Variants in DCAF8L2 observed in about 807,000 individuals in gnomAD.
The protein encoded by DCAF8L2 is DDB1 and CUL4 associated factor 8 like 2, also known as DDB1- and CUL4-associated factor 8-like protein 2.
For synonymous variants in DCAF8L2, 200 were observed against 190.9 expected (o/e 1.05, Z -0.39); for missense variants, 430 against 490.7 (o/e 0.88, Z 1.17).
intron 2 of DCAF8L2, among the ~76,000 whole-genome samples, chrX:27,652,387 G>A (rs1369672409): frequency 9.0e-6 from 1 of 111,406 alleles, no homozygotes; most frequent in African/African-American, 3.3e-5. Context: ...ACTAAACACC[G>A]AACAGCGTCC....
intron 1 of DCAF8L2, among the ~76,000 whole-genome samples, chrX:27,627,985 G>A (rs1382180635): frequency 9.2e-6 from 1 of 109,067 alleles, no homozygotes; most frequent in Non-Finnish European, 1.9e-5. Flanking sequence ...CAATTTTGAA[G>A]TATAAAATAC....
At chrX:27,473,979 A>G in the DCAF8L2 span, among the ~76,000 whole-genome samples, 2 of 111,169 alleles carry the variant, frequency 1.8e-5, no homozygotes, top group Admixed American at 1.9e-4. Context: ...AAAAATGATA[A>G]GACATATCCA....
chrX:27,491,326 G>T, the DCAF8L2 span, among the ~76,000 whole-genome samples: 4 of 111,725 alleles, frequency 3.6e-5, no homozygotes, highest in African/African-American at 1.3e-4. Flanking sequence ...TCTGCATGTG[G>T]ATATTCAAGT....
chrX:27,684,788 A>T (rs747524842), intron 3 of DCAF8L2, among the ~76,000 whole-genome samples: 2 of 111,739 alleles, frequency 1.8e-5, no homozygotes, highest in South Asian at 7.5e-4. Context: ...ATCTACATAG[A>T]TATGAGCTCT....
At chrX:27,561,649 T>C in the DCAF8L2 span, among the ~76,000 whole-genome samples, 1 of 111,246 alleles carries the variant, frequency 9.0e-6, no homozygotes, top group African/African-American at 3.3e-5. Context: ...ATATATCTGT[T>C]CTGGATATAA....
At chrX:27,589,088 G>A (rs983767618), upstream of DCAF8L2, among the ~76,000 whole-genome samples, 1 of 84,746 alleles carries the variant, frequency 1.2e-5, no homozygotes, top group African/African-American at 4.4e-5. Context: ...ATCAGGACAA[G>A]TTCTTAGTGT....
chrX:27,585,822 C>A (rs920198626), upstream of DCAF8L2, among the ~76,000 whole-genome samples: 7 of 111,420 alleles, frequency 6.3e-5, no homozygotes, highest in African/African-American at 1.6e-4. Context: ...TCTTACCTTC[C>A]CACTTCCCAT....
the DCAF8L2 span, among the ~76,000 whole-genome samples, chrX:27,555,845 C>T: frequency 9.0e-6 from 1 of 111,153 alleles, no homozygotes; most frequent in African/African-American, 3.3e-5. Context: ...CTTCACAGCT[C>T]TAGCCCTGCC....
intron 3 of DCAF8L2, among the ~76,000 whole-genome samples, chrX:27,705,227 C>A (rs146873822): frequency 1.8e-5 from 2 of 110,549 alleles, no homozygotes; most frequent in Non-Finnish European, 3.8e-5. Context: ...AGGTTGATAC[C>A]ATGTCTTTGA....
the DCAF8L2 span, among the ~76,000 whole-genome samples, chrX:27,584,564 T>A: frequency 9.0e-6 from 1 of 111,036 alleles, no homozygotes; most frequent in Admixed American, 9.8e-5. Flanking sequence ...CTCTTATTAC[T>A]AAAGTTTTGA....
At chrX:27,600,042 T>C (rs1039299559) in intron 1 of DCAF8L2, among the ~76,000 whole-genome samples, 2 of 111,820 alleles carry the variant, frequency 1.8e-5, no homozygotes, top group Non-Finnish European at 3.8e-5. Context: ...CTAAATGACA[T>C]GAGAGTGGTT....
At chrX:27,540,202 T>C in the DCAF8L2 span, among the ~76,000 whole-genome samples, 1 of 111,816 alleles carries the variant, frequency 8.9e-6, no homozygotes, top group African/African-American at 3.2e-5. Context: ...TTTATAGGCT[T>C]CTCTTACTTG....
At chrX:27,745,006 C>G (rs1172166814) in intron 4 of DCAF8L2, among the ~76,000 whole-genome samples, 1 of 112,130 alleles carries the variant, frequency 8.9e-6, no homozygotes, top group Non-Finnish European at 1.9e-5. Flanking sequence ...TAAGACACTT[C>G]CTTTCCTGGA....
chrX:27,715,739 G>A (rs1480004352), intron 3 of DCAF8L2, among the ~76,000 whole-genome samples: 2 of 111,687 alleles, frequency 1.8e-5, no homozygotes, highest in Non-Finnish European at 3.8e-5. Context: ...GCATCACTGC[G>A]TCAAGCTATG....
At chrX:27,689,147 T>A (rs998722893) in intron 3 of DCAF8L2, among the ~76,000 whole-genome samples, 1 of 112,589 alleles carries the variant, frequency 8.9e-6, no homozygotes, top group Non-Finnish European at 1.9e-5. Flanking sequence ...CCTTGATTTA[T>A]CAATTTTCCT....
At chrX:27,730,710 A>G (rs1341011142) in intron 4 of DCAF8L2, among the ~76,000 whole-genome samples, 1 of 81,495 alleles carries the variant, frequency 1.2e-5, no homozygotes, top group Non-Finnish European at 2.4e-5. Context: ...GCACAGCCAC[A>G]TATTTTATTT....
At chrX:27,607,351 A>C (rs1926955597) in intron 1 of DCAF8L2, among the ~76,000 whole-genome samples, 1 of 111,329 alleles carries the variant, frequency 9.0e-6, no homozygotes, top group Non-Finnish European at 1.9e-5. Context: ...GGTACCAGAA[A>C]TAATGAAATA....
intron 3 of DCAF8L2, among the ~76,000 whole-genome samples, chrX:27,694,507 T>C (rs1382109435): frequency 1.8e-5 from 2 of 110,909 alleles, no homozygotes; most frequent in African/African-American, 6.5e-5. Flanking sequence ...AGATGAGCAA[T>C]GTTTCTTATC....
At chrX:27,535,043 G>A in the DCAF8L2 span, among the ~76,000 whole-genome samples, 5 of 111,979 alleles carry the variant, frequency 4.5e-5, no homozygotes, top group African/African-American at 1.3e-4. Context: ...AATTCTATGC[G>A]GAAAATACTT....
Sources: gnomAD v4.1 joint callset for allele counts (sites outside exome capture counted in the v4.1 genomes callset) on GRCh38, gnomAD v4.1.1 for gene constraint, MANE v1.5 for transcripts, NCBI Gene and HGNC (gene_info 2026-07-23, HGNC 2026-07-21) for gene names.